Variants in CCDC13 observed in about 807,000 individuals in gnomAD.
The protein encoded by CCDC13 is coiled-coil domain containing 13.
Under a neutral mutation model 87.3 loss-of-function variants are expected in CCDC13, and 70 were observed. That is an observed-to-expected ratio of 0.80 (90% CI 0.66 to 0.98). CCDC13 has a LOEUF of 0.98. CCDC13 is among the 50% of genes least tolerant of loss of function. The pLI, the probability that CCDC13 is intolerant of heterozygous loss-of-function variation, is 0.00. For missense variants in CCDC13, 842 were observed against 892.0 expected (o/e 0.94, Z 0.71); for synonymous variants, 317 against 360.3 (o/e 0.88, Z 1.36).
intron 3 of CCDC13, among the ~76,000 whole-genome samples, chr3:42,754,344 G>A (rs986323777): frequency 2.0e-5 from 3 of 152,160 alleles, no homozygotes; most frequent in African/African-American, 7.2e-5. Context: ...AAAAGGCTCA[G>A]AGCAGACCTG....
At chr3:42,736,371 A>G (rs11922251) in intron 9 of CCDC13, among the ~76,000 whole-genome samples, 73,871 of 151,964 alleles carry the variant, frequency 0.49, 18,066 homozygotes, top group South Asian at 0.58. Flanking sequence ...CTTCCTGCCT[A>G]GGGCCAACAG....
In CCDC13 at chr3:42,743,185, T is replaced by C. The variant is rs1034490787; in HGVS notation, c.826-128A>G. ...TCTAGATGGCTGTGGTAGCCCCATC[T>C]GAGGAGGACTAGGGGTGGGGGACAA... On this transcript the variant is annotated intron_variant, in intron 7 of 15. Coordinates refer to ENST00000310232, the MANE Select transcript of CCDC13 (RefSeq NM_144719.4). 4 of 996,704 alleles carry C rather than the reference T, an allele frequency of 4.0e-6. No individual in the cohort carries two copies. In the African/African-American group the frequency reaches 6.4e-5, roughly 16 times the overall value. 61.7% of individuals were successfully genotyped at this position (996,704 alleles called of 1,614,324 possible).
intron 1 of CCDC13, 68 bp from the exon 2 acceptor site, chr3:42,758,419 C>T (rs1317006584): frequency 5.9e-5 from 87 of 1,468,198 alleles, no homozygotes; most frequent in Non-Finnish European, 7.8e-5. Context: ...ACAGTCCGCC[C>T]TGTCTGCAGC....
intron 13 of CCDC13, among the ~76,000 whole-genome samples, chr3:42,726,903 CA>C (rs1347123901): frequency 1.3e-5 from 2 of 151,834 alleles, no homozygotes; most frequent in African/African-American, 4.8e-5. Flanking sequence ...AGAGAAAGGA[CA>C]AATCTATTAA....
intron 7 of CCDC13, 26 bp from the exon 8 acceptor site, chr3:42,743,083 C>T (rs1237919892): frequency 6.2e-7 from 1 of 1,612,566 alleles, no homozygotes; most frequent in Non-Finnish European, 8.5e-7. Flanking sequence ...CTCGTCGTTC[C>T]ACAATGGGTC....
At chr3:42,735,233 G>A (rs929906653) in intron 10 of CCDC13, among the ~76,000 whole-genome samples, 21 of 152,244 alleles carry the variant, frequency 1.4e-4, no homozygotes, top group African/African-American at 2.9e-4. Context: ...CCTGGAGTGC[G>A]GAGCAAGCAG....
chr3:42,741,423 C>T (rs1699211851), intron 8 of CCDC13, among the ~76,000 whole-genome samples: 1 of 152,148 alleles, frequency 6.6e-6, no homozygotes. Flanking sequence ...GCACAGCTGA[C>T]CACCTCCCTC....
intron 9 of CCDC13, 65 bp downstream of exon 9, chr3:42,739,569 G>A (rs1699143386): frequency 6.5e-7 from 1 of 1,543,968 alleles, no homozygotes; most frequent in African/African-American, 1.4e-5. Context: ...CTCTGGCCAT[G>A]GCTGGGGCCC....
At chr3:42,758,033 T>C in intron 2 of CCDC13, 92 bp downstream of exon 2, 3 of 1,097,662 alleles carry the variant, frequency 2.7e-6, no homozygotes, top group African/African-American at 1.6e-5. Context: ...TTTAGCTGCA[T>C]TTTACAAGTT....
intron 13 of CCDC13, among the ~76,000 whole-genome samples, chr3:42,727,006 A>G (rs898473464): frequency 3.9e-5 from 6 of 152,182 alleles, no homozygotes; most frequent in African/African-American, 1.4e-4. Flanking sequence ...AGAAAAAAAT[A>G]CCCATCTATT....
At chr3:42,737,872 C>G (rs987477893) in intron 9 of CCDC13, among the ~76,000 whole-genome samples, 9 of 152,192 alleles carry the variant, frequency 5.9e-5, no homozygotes, top group African/African-American at 2.2e-4. Flanking sequence ...CCTGTTCACT[C>G]TGATGGTAGT....
At chr3:42,724,679 T>G (rs1698647330) in intron 13 of CCDC13, among the ~76,000 whole-genome samples, 1 of 152,270 alleles carries the variant, frequency 6.6e-6, no homozygotes, top group South Asian at 2.1e-4. Context: ...TTTACCTTTT[T>G]GCTTCATAAT....
intron 7 of CCDC13, chr3:42,745,505 C>A (rs1263635634): frequency 6.4e-6 from 1 of 155,336 alleles, no homozygotes; most frequent in Non-Finnish European, 1.4e-5. Flanking sequence ...AATATTCAGA[C>A]AATAAAGAGG....
At chr3:42,753,686 A>C (rs1465875930) in intron 3 of CCDC13, among the ~76,000 whole-genome samples, 2 of 152,144 alleles carry the variant, frequency 1.3e-5, no homozygotes, top group Non-Finnish European at 2.9e-5. Flanking sequence ...CTCTCTGAGG[A>C]GGTGATGTGT....
intron 1 of CCDC13, among the ~76,000 whole-genome samples, chr3:42,758,889 G>A (rs902326532): frequency 6.6e-6 from 1 of 151,914 alleles, no homozygotes; most frequent in Non-Finnish European, 1.5e-5. Flanking sequence ...GGGCACTTAC[G>A]GTCCCTGAGC....
chr3:42,767,170 A>C (rs1186152318), intron 1 of CCDC13, among the ~76,000 whole-genome samples: 1 of 100,112 alleles, frequency 1.0e-5, no homozygotes, highest in East Asian at 2.4e-4. Context: ...AGAATCTATT[A>C]AAAAAAAAAA....
rs114170092 is a variant in CCDC13, at chr3:42,734,502, T to G, written c.1372-893A>C. ...ACTTCCTTGTGCCCCCAGGCTCCCC[T>G]TCAGCCTCACAGCACTATGTCACAG... On this transcript the variant is annotated intron_variant, in intron 10 of 15. Coordinates refer to ENST00000310232, the MANE Select transcript of CCDC13 (RefSeq NM_144719.4). Among the ~76,000 whole-genome samples the G allele has an allele frequency of 6.2e-3, 946 of 152,266 alleles. 13 individuals are homozygous for G. Among genetic ancestry groups the G allele is most frequent in the South Asian group, 0.024 (114 of 4,820 alleles).
At chr3:42,750,830 A>G (rs910249182) in intron 5 of CCDC13, among the ~76,000 whole-genome samples, 5 of 152,224 alleles carry the variant, frequency 3.3e-5, no homozygotes, top group African/African-American at 1.2e-4. Flanking sequence ...CTGAACAAGC[A>G]GTTTCCTATC....
chr3:42,739,920 T>C (rs1699161477), intron 8 of CCDC13, 110 bp from the exon 9 acceptor site: 5 of 999,094 alleles, frequency 5.0e-6, no homozygotes, highest in Non-Finnish European at 7.5e-6. Context: ...GTGGGGGTGC[T>C]TGTTGAATGC....
Sources: gnomAD v4.1 joint callset for allele counts (sites outside exome capture counted in the v4.1 genomes callset) on GRCh38, gnomAD v4.1.1 for gene constraint, MANE v1.5 for transcripts, NCBI Gene and HGNC (gene_info 2026-07-23, HGNC 2026-07-21) for gene names.